The following RHOJ variants were observed in gnomAD, a reference collection of about 807,000 sequenced individuals.
RHOJ encodes the protein ras homolog family member J.
Under a neutral mutation model 23.4 loss-of-function variants are expected in RHOJ, and 11 were observed. That is an observed-to-expected ratio of 0.47 (90% confidence interval 0.30 to 0.78). The LOEUF (loss-of-function observed/expected upper bound fraction) is 0.78. Ranked by LOEUF, RHOJ falls within the 30% of genes least tolerant of loss-of-function variation. RHOJ has a pLI of 0.08. For synonymous variants in RHOJ, 102 were observed against 102.7 expected (o/e 0.99, Z 0.04); for missense variants, 254 against 273.4 (o/e 0.93, Z 0.50).
At chr14:63,254,599 G>C (rs1029615381) in intron 1 of RHOJ, among the ~76,000 whole-genome samples, 2 of 152,200 alleles carry the variant, frequency 1.3e-5, no homozygotes, top group East Asian at 1.9e-4. Context: ...TCATTGTGTG[G>C]GGGAAAAAAG....
chr14:63,253,163 G>A (rs1310225250), intron 1 of RHOJ, among the ~76,000 whole-genome samples: 3 of 152,136 alleles, frequency 2.0e-5, no homozygotes, highest in Non-Finnish European at 4.4e-5. Flanking sequence ...ATAGATACAT[G>A]TCTGTTATCG....
intron 1 of RHOJ, among the ~76,000 whole-genome samples, chr14:63,236,317 G>A (rs1894788597): frequency 6.6e-6 from 1 of 152,094 alleles, no homozygotes. Context: ...CTGTGTATTA[G>A]TCCGTTTTCA....
chr14:63,268,742 C>G (rs1895411913), intron 1 of RHOJ, among the ~76,000 whole-genome samples: 1 of 152,104 alleles, frequency 6.6e-6, no homozygotes, highest in Admixed American at 6.6e-5. Context: ...TGAAAGGTGT[C>G]TCAAACCGAA....
Position 63,283,210 on chromosome 14 carries a change from A to C in RHOJ, c.492A>C (p.Ala164=), listed in dbSNP as rs753776299. Reference sequence around the variant, plus strand: ...CTTACGAGCATGGTGTGAAGCTCGCAAAAGCGGTACAGTCAGATTTGAATT... The same window carrying C: ...CTTACGAGCATGGTGTGAAGCTCGCCAAAGCGGTACAGTCAGATTTGAATT... ...PLTYEHGVKL[A]KAIGAQCYLE... is the part of the protein sequence containing the mutation. Residue 164 remains alanine (A), a synonymous_variant, in exon 4 of 5, where the codon GCA becomes GCC. Transcript: ENST00000316754. The C allele has an allele frequency of 1.9e-6, 3 of 1,612,220 alleles. No homozygotes were observed. Among genetic ancestry groups the C allele is most frequent in the African/African-American group, 2.7e-5 (2 of 74,910 alleles).
In RHOJ at chr14:63,291,625, C is replaced by G. The variant is rs1057497355; in HGVS notation, c.*601C>G. On this transcript the variant is annotated 3_prime_UTR_variant, in exon 5 of 5. Coordinates refer to ENST00000316754, the MANE Select transcript of RHOJ (RefSeq NM_020663.5). ...ATGTTTCTACCAAAGCTATTAGAAC[C>G]AACACGTACCTCTGAATGCCCGATT... The G allele has an allele frequency of 3.2e-5, 5 of 156,190 alleles. No homozygotes were observed. In the East Asian group the frequency reaches 7.7e-4, roughly 24 times the overall value. 9.7% of individuals were successfully genotyped at this position (156,190 alleles called of 1,614,324 possible).
At chr14:63,211,342 G>A (rs1445573637) in intron 1 of RHOJ, among the ~76,000 whole-genome samples, 1 of 152,112 alleles carries the variant, frequency 6.6e-6, no homozygotes, top group Admixed American at 6.6e-5. Context: ...TCTCATATCT[G>A]TAATCCCAGT....
chr14:63,287,617 T>A (rs933146094), intron 4 of RHOJ, among the ~76,000 whole-genome samples: 1 of 151,962 alleles, frequency 6.6e-6, no homozygotes, highest in Non-Finnish European at 1.5e-5. Context: ...TTTTTTTTCT[T>A]ATCACTCTTG....
At chr14:63,245,921 G>A (rs1376246854) in intron 1 of RHOJ, among the ~76,000 whole-genome samples, 4 of 152,168 alleles carry the variant, frequency 2.6e-5, no homozygotes, top group East Asian at 1.9e-4. Flanking sequence ...TCTAATCCTG[G>A]CTCTGTCACC....
chr14:63,243,345 T>C (rs1894918036), intron 1 of RHOJ, among the ~76,000 whole-genome samples: 1 of 151,984 alleles, frequency 6.6e-6, no homozygotes, highest in Non-Finnish European at 1.5e-5. Flanking sequence ...ATTTCTTTTT[T>C]GTTGTTGTTG....
intron 1 of RHOJ, among the ~76,000 whole-genome samples, chr14:63,239,068 T>A (rs535228814): frequency 6.6e-6 from 1 of 152,304 alleles, no homozygotes; most frequent in African/African-American, 2.4e-5. Flanking sequence ...TGGGACCTAT[T>A]CGAGTGAATA....
intron 1 of RHOJ, among the ~76,000 whole-genome samples, chr14:63,229,392 T>C (rs1894650769): frequency 6.6e-6 from 1 of 152,236 alleles, no homozygotes; most frequent in South Asian, 2.1e-4. Flanking sequence ...CAGGCATGAA[T>C]AGATTCTCTG....
intron 2 of RHOJ, among the ~76,000 whole-genome samples, chr14:63,273,303 T>G (rs1423613126): frequency 6.6e-6 from 1 of 152,224 alleles, no homozygotes; most frequent in Non-Finnish European, 1.5e-5. Context: ...ACCAGCCCTG[T>G]AAGCCAAATC....
chr14:63,269,296 T>C, intron 2 of RHOJ, 128 bp downstream of exon 2: 1 of 613,028 alleles, frequency 1.6e-6, no homozygotes, highest in Non-Finnish European at 2.9e-6. Context: ...CAATTTATTG[T>C]CTGCCTAAAT....
At chr14:63,246,639 T>G (rs1894980649) in intron 1 of RHOJ, among the ~76,000 whole-genome samples, 1 of 152,238 alleles carries the variant, frequency 6.6e-6, no homozygotes, top group Admixed American at 6.5e-5. Flanking sequence ...TGATTCTCTC[T>G]CTCCTCCTAT....
chr14:63,229,736 A>G (rs997431869), intron 1 of RHOJ, among the ~76,000 whole-genome samples: 17 of 152,186 alleles, frequency 1.1e-4, no homozygotes, highest in African/African-American at 3.9e-4. Context: ...TAAAGGGAAC[A>G]TGTGACTCAG....
At chr14:63,231,156 T>C (rs1894687787) in intron 1 of RHOJ, among the ~76,000 whole-genome samples, 1 of 152,202 alleles carries the variant, frequency 6.6e-6, no homozygotes, top group South Asian at 2.1e-4. Context: ...CCCAAAGTGC[T>C]AGGATTACAT....
At chr14:63,255,028 T>A (rs894595532) in intron 1 of RHOJ, among the ~76,000 whole-genome samples, 1 of 152,146 alleles carries the variant, frequency 6.6e-6, no homozygotes, top group African/African-American at 2.4e-5. Flanking sequence ...CGCTCTCAAA[T>A]GTTGAGGCCA....
Position 63,223,661 on chromosome 14 carries a change from A to G in RHOJ, c.178+18614A>G, listed in dbSNP as rs1007419063. Among the ~76,000 whole-genome samples, 5 of 152,310 alleles carry G rather than the reference A, an allele frequency of 3.3e-5. No homozygotes were observed. The East Asian group carries it at 7.7e-4, about 23-fold the overall frequency. ...CCTGGAAGAAAAGACAGAGAAAACCAGAGACAGAGATACAAAGAGTTCATC... is the reference window on the plus strand; with the variant it reads ...CCTGGAAGAAAAGACAGAGAAAACCGGAGACAGAGATACAAAGAGTTCATC... On this transcript the variant is annotated intron_variant, in intron 1 of 4. Coordinates refer to ENST00000316754, the MANE Select transcript of RHOJ (RefSeq NM_020663.5).
intron 1 of RHOJ, among the ~76,000 whole-genome samples, chr14:63,232,909 T>A (rs919643865): frequency 1.3e-5 from 2 of 152,106 alleles, no homozygotes; most frequent in Non-Finnish European, 2.9e-5. Context: ...TTGTCCAGGC[T>A]GGTATCAAAC....
Sources: allele counts gnomAD v4.1 joint callset (sites outside exome capture counted in the v4.1 genomes callset), GRCh38; gene constraint gnomAD v4.1.1; transcripts MANE v1.5; gene names NCBI Gene and HGNC (gene_info 2026-07-23, HGNC 2026-07-21).